Variants in C3orf20 observed in about 807,000 individuals in gnomAD.
C3orf20 encodes the protein family with sequence similarity 149 member C.
In C3orf20, 76 loss-of-function variants were observed where a neutral mutation model predicts 88.3. The ratio of observed to expected loss-of-function variants is 0.86; its 90% CI spans 0.72 to 1.04. The LOEUF (loss-of-function observed/expected upper bound fraction) is 1.04. C3orf20 is among the 50% of genes least tolerant of loss of function. The pLI is 0.00. For missense variants in C3orf20, 1,056 were observed against 1,123.3 expected, an observed-to-expected ratio of 0.94 and a Z score of 0.86; for synonymous variants, 436 against 437.4, an observed-to-expected ratio of 1.00 and a Z score of 0.04.
chr3:14,676,851 C>T (rs943151840), intron 1 of C3orf20, among the ~76,000 whole-genome samples: 1 of 152,242 alleles, frequency 6.6e-6, no homozygotes, highest in Admixed American at 6.5e-5. Context: ...TAAGCTCAAT[C>T]TTATGTGCAG....
chr3:14,726,778 T>C, intron 10 of C3orf20, 123 bp from the exon 11 acceptor site: 1 of 1,336,628 alleles, frequency 7.5e-7, no homozygotes, highest in Non-Finnish European at 1.0e-6. Flanking sequence ...GTGTTCCAGG[T>C]AGGGGTAGGG....
At position 14,728,628 on chromosome 3, in the gene C3orf20, C is replaced by T. The variant is rs780712344; in HGVS notation, c.1880C>T (p.Ala627Val). 5.0e-6 allele frequency: 8 copies of T among 1,614,170 alleles called. No homozygotes were observed. Among genetic ancestry groups the T allele is most frequent in the Non-Finnish European group, 6.8e-6 (8 of 1,180,020 alleles). ...ACTTTGAAGGATGAGCCTGAGTCTGCTCCTGTGAGCCCAGTTCGGAAGACC... is the reference window on the plus strand; with the variant it reads ...ACTTTGAAGGATGAGCCTGAGTCTGTTCCTGTGAGCCCAGTTCGGAAGACC... Reference protein sequence around the residue: ...AETLKDEPESAPVSPVRKTTK... With the variant: ...AETLKDEPESVPVSPVRKTTK... Residue 627 changes from alanine to valine, a missense_variant, in exon 12 of 17, where the codon GCT (alanine) becomes GTT (valine). Ala to Val is a moderately conservative substitution (Grantham distance 64, BLOSUM62 0). Coordinates refer to ENST00000253697, the MANE Select transcript of C3orf20 (RefSeq NM_032137.5).
intron 7 of C3orf20, 91 bp downstream of exon 7, chr3:14,704,709 C>A: frequency 6.8e-7 from 1 of 1,480,506 alleles, no homozygotes; most frequent in South Asian, 1.3e-5. Flanking sequence ...TTCCTTGGGC[C>A]TTTTAGTTAT....
chr3:14,708,999 G>A (rs2033633259), intron 7 of C3orf20, among the ~76,000 whole-genome samples: 1 of 152,160 alleles, frequency 6.6e-6, no homozygotes, highest in African/African-American at 2.4e-5. Context: ...ACAAAATGGT[G>A]TATAAACAAG....
In C3orf20 at chr3:14,684,329, G is replaced by T; in HGVS notation, c.572G>T (p.Cys191Phe). Residue 191 changes from cysteine (C) to phenylalanine (F), a missense_variant, in exon 4 of 17, where the codon TGC becomes TTC. Physicochemically the swap from Cys to Phe is radical, Grantham distance 205. Transcript: ENST00000253697. ...HLNAKEMAFN[C>F]LISTAGRSGY... Reference sequence around the variant, plus strand: ...AATGCCAAGGAGATGGCCTTCAACTGCCTGATCAGCACAGCCGGGAGAAGT... The same window carrying T: ...AATGCCAAGGAGATGGCCTTCAACTTCCTGATCAGCACAGCCGGGAGAAGT... 1 of 1,614,130 alleles carries T rather than the reference G, an allele frequency of 6.2e-7. No homozygotes were observed. Among genetic ancestry groups the T allele is most frequent in the Non-Finnish European group, 8.5e-7 (1 of 1,180,016 alleles).
intron 12 of C3orf20, among the ~76,000 whole-genome samples, chr3:14,731,495 T>A (rs2034540039): frequency 6.6e-6 from 1 of 152,190 alleles, no homozygotes; most frequent in Admixed American, 6.5e-5. Flanking sequence ...ACAGGTAGAA[T>A]CTGAAGGACA....
In C3orf20 at chr3:14,682,975, G is replaced by A; in HGVS notation, c.262G>A (p.Val88Ile). The A allele has an allele frequency of 6.2e-7, 1 of 1,614,040 alleles. No individual in the cohort carries two copies. ...GCTCATGGAACCCACCTTTGTGCAG[G>A]TCCCCACACTGAAGAAGCCACTACC... ...VVLMEPTFVQ[V>I]PTLKKPLPPP... The change falls in exon 3 of 17, where the codon GTC (valine) becomes ATC (isoleucine). Residue 88 changes from valine (V) to isoleucine (I), a missense_variant. Coordinates refer to ENST00000253697, the MANE Select transcript of C3orf20 (RefSeq NM_032137.5).
chr3:14,721,900 C>G lies in C3orf20; in HGVS notation c.1566+116C>G, dbSNP rs918404088. 2.3e-6 allele frequency: 3 copies of G among 1,327,050 alleles called. No homozygotes were observed. The African/African-American group carries it at 4.4e-5, about 20-fold the overall frequency. The allele number at this position is 1,327,050 out of a possible 1,614,324, so 82.2% of individuals were successfully genotyped here. On this transcript the variant is annotated intron_variant, in intron 10 of 16. Transcript: ENST00000253697. ...CCCCACCACCCTTCCATGCAAGGCC[C>G]TGCCTTTTCCTCTGCCATTATTCAC...
intron 3 of C3orf20, 22 bp downstream of exon 3, chr3:14,683,219 A>G: frequency 6.5e-7 from 1 of 1,544,564 alleles, no homozygotes; most frequent in Non-Finnish European, 8.7e-7. Context: ...ATGTTTGTGT[A>G]TGTGCCCACC....
intron 12 of C3orf20, among the ~76,000 whole-genome samples, chr3:14,740,980 C>T (rs1429160966): frequency 6.6e-6 from 1 of 152,170 alleles, no homozygotes; most frequent in Non-Finnish European, 1.5e-5. Context: ...GTCTGTTTCT[C>T]ACTGTTTTCA....
Position 14,684,315 on chromosome 3 carries a change from G to T in C3orf20, c.558G>T (p.Glu186Asp). 3 of 1,614,188 alleles carry T rather than the reference G, an allele frequency of 1.9e-6. No individual in the cohort carries two copies. The South Asian group carries it at 3.3e-5, about 18-fold the overall frequency. ...AGCTCCTCCACCTCAATGCCAAGGA[G>T]ATGGCCTTCAACTGCCTGATCAGCA... Reference protein sequence around the residue: ...ASQLLHLNAKEMAFNCLISTA... With the variant: ...ASQLLHLNAKDMAFNCLISTA... Residue 186 changes from glutamate to aspartate, a missense_variant, in exon 4 of 17, where the codon GAG becomes GAT. Transcript: ENST00000253697.
intron 12 of C3orf20, among the ~76,000 whole-genome samples, chr3:14,730,319 G>A (rs1275739526): frequency 9.2e-5 from 14 of 152,062 alleles, no homozygotes; most frequent in Admixed American, 1.3e-4. Context: ...AGGCCGAGGC[G>A]GGCAGATCAC....
At chr3:14,695,665 G>C (rs1218411380) in intron 5 of C3orf20, among the ~76,000 whole-genome samples, 2 of 151,972 alleles carry the variant, frequency 1.3e-5, no homozygotes, top group Non-Finnish European at 2.9e-5. Context: ...TTATACGTCT[G>C]GCTGCTCCAG....
chr3:14,698,367 T>C (rs1284824285), intron 5 of C3orf20, among the ~76,000 whole-genome samples: 2 of 152,122 alleles, frequency 1.3e-5, no homozygotes, highest in East Asian at 1.9e-4. Context: ...CATTGAAGAG[T>C]TGGGTATTTA....
At chr3:14,715,731 T>C (rs1232466158) in intron 9 of C3orf20, among the ~76,000 whole-genome samples, 1 of 152,236 alleles carries the variant, frequency 6.6e-6, no homozygotes. Context: ...GTCACAGTTA[T>C]AGTAGTTGAT....
chr3:14,683,323 C>T (rs559511073), intron 3 of C3orf20, 126 bp downstream of exon 3: 14 of 1,210,246 alleles, frequency 1.2e-5, no homozygotes, highest in Admixed American at 2.9e-5. Context: ...CCCTCTGCGG[C>T]TCCTGGAATC....
Position 14,682,749 on chromosome 3 carries a change from G to C in C3orf20, c.36G>C (p.Gln12His), listed in dbSNP as rs551390280. 133 of 1,613,666 alleles carry C rather than the reference G, an allele frequency of 8.2e-5. 2 individuals are homozygous for C. The South Asian group carries it at 1.4e-3, about 16-fold the overall frequency. The change falls in exon 3 of 17, where the codon CAG becomes CAC. Residue 12 changes from glutamine (Q) to histidine (H), a missense_variant. Physicochemically the swap from Gln to His is conservative, Grantham distance 24. Coordinates refer to ENST00000253697, the MANE Select transcript of C3orf20 (RefSeq NM_032137.5). Reference sequence around the variant, plus strand: ...TCAAGAGTAACCTAGAATTATATCAGCAATACACAGCCATGGCCCCCAAGC... The same window carrying C: ...TCAAGAGTAACCTAGAATTATATCACCAATACACAGCCATGGCCCCCAAGC... ...SYIKSNLELYQQYTAMAPKLL... is the reference protein window; with the variant it reads ...SYIKSNLELYHQYTAMAPKLL...
At chr3:14,702,428 G>T (rs1575106819) in intron 5 of C3orf20, among the ~76,000 whole-genome samples, 1 of 146,334 alleles carries the variant, frequency 6.8e-6, no homozygotes, top group East Asian at 2.0e-4. Flanking sequence ...CAAATCTCAT[G>T]TCCTCACATA....
At chr3:14,723,777 GTTTTATTTTA>G (rs201184448) in intron 10 of C3orf20, among the ~76,000 whole-genome samples, 6,545 of 141,446 alleles carry the variant, frequency 0.046, 197 homozygotes, top group Middle Eastern at 0.077. Flanking sequence ...AAGGCCATTG[GTTTTATTTTA>G]TTTTATTTTA....
Sources: allele counts gnomAD v4.1 joint callset (sites outside exome capture counted in the v4.1 genomes callset), GRCh38; gene constraint gnomAD v4.1.1; transcripts MANE v1.5; gene names NCBI Gene and HGNC (gene_info 2026-07-23, HGNC 2026-07-21).